The following PCNX1 variants were observed in gnomAD, a reference collection of about 807,000 sequenced individuals.
The protein encoded by PCNX1 is pecanex-like protein 1.
Under a neutral mutation model 242.2 loss-of-function variants are expected in PCNX1, and 78 were observed. The observed-to-expected ratio is 0.32, with a 90% CI of 0.27 to 0.39. The LOEUF (loss-of-function observed/expected upper bound fraction) is 0.39. Among genes scored for constraint, PCNX1 ranks in the 10% least tolerant of loss-of-function variants. The probability of loss-of-function intolerance (pLI) is 1.00; values close to 1 mark genes in which losing one functional copy is unlikely to be tolerated. For missense variants in PCNX1, 2,581 were observed against 2,856.5 expected, an observed-to-expected ratio of 0.90 and a Z score of 2.20; for synonymous variants, 1,024 against 1,032.9, an observed-to-expected ratio of 0.99 and a Z score of 0.17.
intron 7 of PCNX1, among the ~76,000 whole-genome samples, chr14:70,994,657 G>C (rs2059293181): frequency 6.6e-6 from 1 of 151,326 alleles, no homozygotes; most frequent in South Asian, 2.1e-4. Context: ...GATTGTTAAA[G>C]GTAAACTTCA....
At chr14:71,051,509 A>G (rs1323530624) in intron 23 of PCNX1, among the ~76,000 whole-genome samples, 2 of 152,216 alleles carry the variant, frequency 1.3e-5, no homozygotes, top group Non-Finnish European at 2.9e-5. Context: ...TATTTTCTAA[A>G]TAATAGTAAG....
chr14:71,081,958 A>AT (rs1346954092), intron 28 of PCNX1, among the ~76,000 whole-genome samples: 1 of 152,074 alleles, frequency 6.6e-6, no homozygotes, highest in African/African-American at 2.4e-5. Flanking sequence ...TAGGGTGTTG[A>AT]TTTTAGATCT....
At chr14:71,004,404 G>A (rs1383463038) in intron 8 of PCNX1, among the ~76,000 whole-genome samples, 3 of 152,238 alleles carry the variant, frequency 2.0e-5, no homozygotes, top group East Asian at 1.9e-4. Context: ...CCTGAGCTCC[G>A]CTTCCTGTCA....
Position 71,115,209 on chromosome 14 carries a change from T to C in PCNX1, c.*5274T>C, listed in dbSNP as rs925838630. 1 of 152,596 alleles carries C rather than the reference T, an allele frequency of 6.6e-6. No homozygotes were observed. Among genetic ancestry groups the C allele is most frequent in the Non-Finnish European group, 1.5e-5 (1 of 68,006 alleles). The allele number at this position is 152,596 out of a possible 1,614,324, so 9.5% of individuals were successfully genotyped here. A position where few individuals can be genotyped will look rare whatever the true frequency, so the allele number is the denominator to read the frequency against. ...AACCAGAGATAAGGACATATGTACTTACGTGTGTCTGTGAGTGTGTGTGTG... is the reference window on the plus strand; with the variant it reads ...AACCAGAGATAAGGACATATGTACTCACGTGTGTCTGTGAGTGTGTGTGTG... On this transcript the variant is annotated 3_prime_UTR_variant, in exon 36 of 36. Transcript: ENST00000304743.
At position 71,011,475 on chromosome 14, in the gene PCNX1, TTTTTA is replaced by T. The variant is rs754303946; in HGVS notation, c.2721-6_2721-2del. On this transcript the variant is annotated splice_polypyrimidine_tract_variant and intron_variant, in intron 9 of 35. Coordinates refer to ENST00000304743, the MANE Select transcript of PCNX1 (RefSeq NM_014982.3). The stretch of plus-strand genomic sequence containing the variant: ...TTCTGCTTGACAAACTGTTCCCTAT[TTTTTA>T]TTTTATTTTAGTGACACAGATTCTC... 3.8e-5 allele frequency: 55 copies of T among 1,450,872 alleles called. No individual in the cohort carries two copies. The African/African-American group carries it at 6.9e-4, about 18-fold the overall frequency. The allele number at this position is 1,450,872 out of a possible 1,614,324, so 89.9% of individuals were successfully genotyped here.
intron 1 of PCNX1, among the ~76,000 whole-genome samples, chr14:70,936,401 A>G (rs2057006932): frequency 6.7e-6 from 1 of 150,294 alleles, no homozygotes; most frequent in Admixed American, 6.8e-5. Context: ...TGTCCTTGCG[A>G]CAGTTTGCTC....
At chr14:70,968,449 C>G (rs779765585) in intron 4 of PCNX1, among the ~76,000 whole-genome samples, 2 of 152,168 alleles carry the variant, frequency 1.3e-5, no homozygotes, top group Non-Finnish European at 2.9e-5. Flanking sequence ...TGTCTGACCA[C>G]TTACATTACA....
rs1462468024 is a variant in PCNX1, at chr14:71,028,780, G to A, written c.3547G>A (p.Gly1183Arg). 1 of 1,588,724 alleles carries A rather than the reference G, an allele frequency of 6.3e-7. No individual in the cohort carries two copies. Among genetic ancestry groups the A allele is most frequent in the Non-Finnish European group, 8.6e-7 (1 of 1,161,782 alleles). The change falls in exon 16 of 36, where the codon GGG (glycine) becomes AGG (arginine). Residue 1183 changes from glycine (G) to arginine (R), a missense_variant. Gly to Arg is a moderately radical substitution (Grantham distance 125, BLOSUM62 -2). Coordinates refer to ENST00000304743, the MANE Select transcript of PCNX1 (RefSeq NM_014982.3). Reference sequence around the variant, plus strand: ...AGCCTTATTGTATGGATTATGTTATGGGGCTTTAAAGGTGAGCAATAAATT... The same window carrying A: ...AGCCTTATTGTATGGATTATGTTATAGGGCTTTAAAGGTGAGCAATAAATT... ...AVALLYGLCYGALKDSWDGQH... is the reference protein window; with the variant it reads ...AVALLYGLCYRALKDSWDGQH...
intron 8 of PCNX1, 82 bp downstream of exon 8, chr14:70,996,007 GAT>G (rs2059340370): frequency 9.4e-7 from 1 of 1,063,254 alleles, no homozygotes; most frequent in African/African-American, 1.6e-5. Context: ...TCTTTTTTGA[GAT>G]AGTTTCATTT....
chr14:71,035,976 A>T, intron 18 of PCNX1, 89 bp from the exon 19 acceptor site: 1 of 855,110 alleles, frequency 1.2e-6, no homozygotes, highest in African/African-American at 1.7e-5. Flanking sequence ...GCAAAAAATT[A>T]ATTCTTAAAC....
rs2060879545 is a variant in PCNX1 at position 71,046,985 on chromosome 14, T to G, written c.4040T>G (p.Phe1347Cys). 1.2e-6 allele frequency: 2 copies of G among 1,610,226 alleles called. No homozygotes were observed. Among genetic ancestry groups the G allele is most frequent in the East Asian group, 4.5e-5 (2 of 44,770 alleles). Residue 1347 changes from phenylalanine (F) to cysteine (C), a missense_variant, in exon 21 of 36, where the codon TTT (phenylalanine) becomes TGT (cysteine). This residue lies in a region of PCNX1 where 432 missense variants were observed against 443.1 expected (regional missense o/e 0.97). Transcript: ENST00000304743. ...TTAGATGCAGCCACTATGATGTGGT[T>G]TGAGAAACTTCATGTGTGGCTTCTT... is the stretch of plus-strand genomic sequence containing the variant. Reference protein sequence around the residue: ...EVRNAATMMWFEKLHVWLLFV... With the variant: ...EVRNAATMMWCEKLHVWLLFV...
At chr14:71,006,809 T>G (rs1008798602) in intron 8 of PCNX1, among the ~76,000 whole-genome samples, 7 of 152,204 alleles carry the variant, frequency 4.6e-5, no homozygotes, top group African/African-American at 1.7e-4. Context: ...ATTTAGTAAT[T>G]TCTTTTTCTG....
chr14:71,047,702 T>A (rs1161906422), intron 21 of PCNX1, 105 bp from the exon 22 acceptor site: 1 of 870,324 alleles, frequency 1.1e-6, no homozygotes, highest in Non-Finnish European at 1.8e-6. Flanking sequence ...ACATTTAATG[T>A]ATATATTATA....
intron 23 of PCNX1, 79 bp from the exon 24 acceptor site, chr14:71,051,804 G>C: frequency 7.2e-7 from 1 of 1,383,972 alleles, no homozygotes; most frequent in Non-Finnish European, 1.0e-6. Flanking sequence ...ATCTAAATGT[G>C]TCTGCTAGGT....
chr14:71,002,406 AAATGTATAC>A (rs1410700104), intron 8 of PCNX1, among the ~76,000 whole-genome samples: 2 of 152,154 alleles, frequency 1.3e-5, no homozygotes, highest in Non-Finnish European at 2.9e-5. Flanking sequence ...GGCATCTGTT[AAATGTATAC>A]AATTCAAGGA....
At chr14:70,915,968 A>G (rs939705680) in intron 1 of PCNX1, among the ~76,000 whole-genome samples, 10 of 152,276 alleles carry the variant, frequency 6.6e-5, no homozygotes, top group African/African-American at 1.9e-4. Context: ...GAAGGGATAA[A>G]TCATGGAGGA....
intron 1 of PCNX1, among the ~76,000 whole-genome samples, chr14:70,946,594 A>G (rs1171262274): frequency 6.6e-6 from 1 of 152,256 alleles, no homozygotes; most frequent in East Asian, 1.9e-4. Flanking sequence ...TTTGACCAGT[A>G]TAATCTAAGT....
chr14:70,992,504 T>C lies in PCNX1; in HGVS notation c.2445-3237T>C, dbSNP rs190978906. 1.4e-4 allele frequency among the ~76,000 whole-genome samples: 21 copies of C among 152,286 alleles called. No individual in the cohort carries two copies. In the East Asian group the frequency reaches 4.0e-3, roughly 29 times the overall value. ...GAGACATATAAGAATAATGTAATCA[T>C]ACTCTTAGACTTTACATTTTAGTTG... On this transcript the variant is annotated intron_variant, in intron 7 of 35. Coordinates refer to ENST00000304743, the MANE Select transcript of PCNX1 (RefSeq NM_014982.3).
chr14:71,008,763 A>G (rs1384926384), intron 8 of PCNX1, among the ~76,000 whole-genome samples: 3 of 151,982 alleles, frequency 2.0e-5, no homozygotes, highest in Admixed American at 1.3e-4. Context: ...ACTAGACCAA[A>G]TGGTTGCAGA....
Sources: allele counts gnomAD v4.1 joint callset (sites outside exome capture counted in the v4.1 genomes callset), GRCh38; gene constraint gnomAD v4.1.1; regional missense constraint gnomAD v4.1.1; transcripts MANE v1.5; gene names NCBI Gene and HGNC (gene_info 2026-07-23, HGNC 2026-07-21).